The following CNTN5 variants were observed in gnomAD, a reference collection of about 807,000 sequenced individuals.
The protein encoded by CNTN5 is contactin 5.
In CNTN5, 77 loss-of-function variants were observed where a neutral mutation model predicts 129.1. The ratio of observed to expected loss-of-function variants is 0.60; its 90% CI spans 0.50 to 0.72. The LOEUF is 0.72. Among genes scored for constraint, CNTN5 ranks in the 30% least tolerant of loss-of-function variants. The probability of loss-of-function intolerance (pLI) is 0.00; values close to 1 mark genes in which losing one functional copy is unlikely to be tolerated. For missense variants in CNTN5, 1,478 were observed against 1,328.8 expected (o/e 1.11, Z -1.75); for synonymous variants, 509 against 465.6 (o/e 1.09, Z -1.20).
intron 9 of CNTN5, among the ~76,000 whole-genome samples, chr11:100,033,115 T>C (rs1591090766): frequency 6.6e-6 from 1 of 152,178 alleles, no homozygotes; most frequent in East Asian, 1.9e-4. Flanking sequence ...TAATTTAACA[T>C]CTCCACTTTT....
At position 100,096,655 on chromosome 11, in the gene CNTN5, C is replaced by T. The variant is rs370415502; in HGVS notation, c.1580+22361C>T. ...TGCTCTAACACTCTCATCCTAGTGA[C>T]TTATATCCAGTTCCCAAGTACACCT... On this transcript the variant is annotated intron_variant, in intron 13 of 24. Coordinates refer to ENST00000524871, the MANE Select transcript of CNTN5 (RefSeq NM_014361.4). 2.8e-4 allele frequency among the ~76,000 whole-genome samples: 43 copies of T among 152,212 alleles called. 1 individual carries two copies. In the South Asian group the frequency reaches 7.3e-3, roughly 26 times the overall value.
intron 1 of CNTN5, among the ~76,000 whole-genome samples, chr11:99,174,976 G>T (rs889665491): frequency 6.6e-6 from 1 of 152,094 alleles, no homozygotes; most frequent in African/African-American, 2.4e-5. Flanking sequence ...GCTCATGCCT[G>T]TAATTCCAGT....
chr11:100,015,117 A>T (rs987676712), intron 9 of CNTN5, among the ~76,000 whole-genome samples: 4 of 152,202 alleles, frequency 2.6e-5, no homozygotes, highest in Non-Finnish European at 5.9e-5. Flanking sequence ...GTCATTTATC[A>T]ATGTAATAGG....
chr11:99,935,253 T>A (rs1950289696), intron 7 of CNTN5, among the ~76,000 whole-genome samples: 1 of 151,850 alleles, frequency 6.6e-6, no homozygotes, highest in African/African-American at 2.4e-5. Context: ...TAGAAAATGA[T>A]ATGATTGACT....
chr11:99,900,789 G>T (rs763067625), intron 6 of CNTN5, among the ~76,000 whole-genome samples: 1 of 151,982 alleles, frequency 6.6e-6, no homozygotes, highest in Admixed American at 6.6e-5. Flanking sequence ...ATGATGTTTT[G>T]TTCCTGACAT....
At chr11:99,990,574 G>A (rs2137410456) in intron 8 of CNTN5, among the ~76,000 whole-genome samples, 1 of 151,752 alleles carries the variant, frequency 6.6e-6, no homozygotes, top group South Asian at 2.1e-4. Flanking sequence ...TCATAATGGT[G>A]CATTTATTTG....
intron 18 of CNTN5, among the ~76,000 whole-genome samples, chr11:100,272,712 C>A (rs1565388782): frequency 1.3e-5 from 2 of 152,124 alleles, no homozygotes; most frequent in South Asian, 2.1e-4. Flanking sequence ...GGGACCCCTA[C>A]GCGGGGCTAC....
chr11:99,414,789 C>A (rs1337905249), intron 2 of CNTN5, among the ~76,000 whole-genome samples: 1 of 151,990 alleles, frequency 6.6e-6, no homozygotes, highest in African/African-American at 2.4e-5. Context: ...GGAAGAATGG[C>A]AAGAAAGTCT....
intron 3 of CNTN5, among the ~76,000 whole-genome samples, chr11:99,632,549 C>G (rs1458970709): frequency 6.6e-6 from 1 of 152,030 alleles, no homozygotes; most frequent in Non-Finnish European, 1.5e-5. Flanking sequence ...TTTACTTGTA[C>G]CCCAAATTGA....
chr11:100,061,011 T>TAATTGCTTTCCTGAAATAG (rs753764711), intron 9 of CNTN5, among the ~76,000 whole-genome samples: 1 of 151,856 alleles, frequency 6.6e-6, no homozygotes, highest in Non-Finnish European at 1.5e-5. Context: ...TCCTGAAATA[T>TAATTGCTTTCCTGAAATAG]GAAAGAAAAG....
chr11:99,709,542 A>C (rs906319290), intron 3 of CNTN5, among the ~76,000 whole-genome samples: 1 of 151,888 alleles, frequency 6.6e-6, no homozygotes, highest in African/African-American at 2.4e-5. Flanking sequence ...ACATATGTGC[A>C]TAATTGTATA....
chr11:99,967,160 G>A (rs890105793), intron 8 of CNTN5, among the ~76,000 whole-genome samples: 1 of 152,096 alleles, frequency 6.6e-6, no homozygotes, highest in Non-Finnish European at 1.5e-5. Context: ...TAATAAAATT[G>A]CACTTCAGTC....
At chr11:99,840,798 T>C (rs1368095207) in intron 4 of CNTN5, among the ~76,000 whole-genome samples, 1 of 152,184 alleles carries the variant, frequency 6.6e-6, no homozygotes, top group Non-Finnish European at 1.5e-5. Flanking sequence ...GCATTTGAAG[T>C]GTTATCTCCA....
Position 99,027,195 on chromosome 11 carries a change from C to T in CNTN5, c.-210+5925C>T, listed in dbSNP as rs185080553. ...GGATTTAAGTGATTTTATTCCATGG[C>T]ATATATGTAAGGGAACATCCATTTG... On this transcript the variant is annotated intron_variant, in intron 1 of 24. Coordinates refer to ENST00000524871, the MANE Select transcript of CNTN5 (RefSeq NM_014361.4). Among the ~76,000 whole-genome samples the T allele has an allele frequency of 4.5e-3, 677 of 151,474 alleles. 7 individuals carry two copies. The highest frequency in any genetic ancestry group is 0.016 in the African/African-American group (653 of 41,450).
chr11:99,433,555 G>A (rs1207428058), intron 2 of CNTN5, among the ~76,000 whole-genome samples: 5 of 151,984 alleles, frequency 3.3e-5, no homozygotes, highest in Admixed American at 3.3e-4. Flanking sequence ...AATTCATGAA[G>A]GGTATCCTTG....
intron 13 of CNTN5, among the ~76,000 whole-genome samples, chr11:100,117,898 G>A (rs749351303): frequency 5.9e-5 from 9 of 151,768 alleles, no homozygotes; most frequent in Non-Finnish European, 1.2e-4. Flanking sequence ...TGTATCTTGG[G>A]CTATTTGTCT....
At chr11:99,789,678 T>A (rs944739959) in intron 3 of CNTN5, among the ~76,000 whole-genome samples, 1 of 152,078 alleles carries the variant, frequency 6.6e-6, no homozygotes, top group Non-Finnish European at 1.5e-5. Flanking sequence ...ACTACATCAT[T>A]TTAAGTTTTT....
chr11:99,560,289 T>G (rs1424888163), intron 3 of CNTN5, among the ~76,000 whole-genome samples: 1 of 149,034 alleles, frequency 6.7e-6, no homozygotes, highest in African/African-American at 2.5e-5. Flanking sequence ...ATTATTATTA[T>G]TATTATTATT....
intron 3 of CNTN5, among the ~76,000 whole-genome samples, chr11:99,656,018 G>C (rs1027713136): frequency 2.6e-5 from 4 of 151,806 alleles, no homozygotes; most frequent in Admixed American, 2.0e-4. Flanking sequence ...TAGCACCTCT[G>C]AATACAGGTA....
Sources: gnomAD v4.1 joint callset for allele counts (sites outside exome capture counted in the v4.1 genomes callset) on GRCh38, gnomAD v4.1.1 for gene constraint, MANE v1.5 for transcripts, NCBI Gene and HGNC (gene_info 2026-07-23, HGNC 2026-07-21) for gene names.